The following HMCN2 variants were observed in gnomAD, a reference collection of about 807,000 sequenced individuals.
HMCN2 encodes the protein hemicentin-2.
Under a neutral mutation model 377.5 loss-of-function variants are expected in HMCN2, and 325 were observed. The ratio of observed to expected loss-of-function variants is 0.86; its 90% confidence interval spans 0.79 to 0.94. The LOEUF (loss-of-function observed/expected upper bound fraction) is 0.94, where lower values mean the gene tolerates loss of function less well. Ranked by LOEUF, HMCN2 falls within the 40% of genes least tolerant of loss-of-function variation. HMCN2 has a pLI of 0.00. For synonymous variants in HMCN2, 2,007 were observed against 2,046.8 expected, an observed-to-expected ratio of 0.98 and a Z score of 0.53; for missense variants, 4,543 against 4,725.3, an observed-to-expected ratio of 0.96 and a Z score of 1.13.
At chr9:130,314,161 G>T (rs942415196) in intron 15 of HMCN2, among the ~76,000 whole-genome samples, 2 of 152,190 alleles carry the variant, frequency 1.3e-5, no homozygotes, top group South Asian at 4.2e-4. Flanking sequence ...TGGTTGCCGG[G>T]GGCCGAGCTG....
intron 15 of HMCN2, among the ~76,000 whole-genome samples, chr9:130,315,473 G>T (rs1189166025): frequency 5.7e-5 from 8 of 139,876 alleles, no homozygotes; most frequent in African/African-American, 2.2e-4. Flanking sequence ...CCAGATCCTT[G>T]TACCCCAGGG....
intron 94 of HMCN2, chr9:130,429,886 T>C: frequency 9.6e-7 from 1 of 1,037,370 alleles, no homozygotes; most frequent in Non-Finnish European, 1.3e-6. Context: ...TTGCACTCAC[T>C]GGGTGCCTGC....
Position 130,274,704 on chromosome 9 carries a change from C to T in HMCN2, c.259+8567C>T, listed in dbSNP as rs192514617. Among the ~76,000 whole-genome samples the T allele has an allele frequency of 8.5e-5, 13 of 152,234 alleles. No individual in the cohort carries two copies. In the East Asian group the frequency reaches 2.1e-3, roughly 25 times the overall value. On this transcript the variant is annotated intron_variant, in intron 1 of 97. Transcript: ENST00000683500. Reference sequence around the variant, plus strand: ...GTGCATGTATGTGTATACATTCACTCGTGTTAAACATACCTACGTTAAAAA... The same window carrying T: ...GTGCATGTATGTGTATACATTCACTTGTGTTAAACATACCTACGTTAAAAA...
Position 130,397,654 on chromosome 9 carries a change from G to A in HMCN2, c.11325G>A (p.Leu3775=). Residue 3775 remains leucine, a splice_region_variant and synonymous_variant, in exon 74 of 98, where the codon TTG becomes TTA. Coordinates refer to ENST00000683500, the MANE Select transcript of HMCN2 (RefSeq NM_001291815.2). ...SDRQGRDLRV[L]EPPAIAPSPS... ...GTCAAGGCCGTGACCTACGGGTCTT[G>A]GGTAGGTGGCCTGGGGAAGGCCTTC... 7.8e-7 allele frequency: 1 copy of A among 1,289,732 alleles called. No individual in the cohort carries two copies. The highest frequency in any genetic ancestry group is 1.0e-6 in the Non-Finnish European group (1 of 988,836). 79.9% of individuals were successfully genotyped at this position (1,289,732 alleles called of 1,614,324 possible).
Position 130,383,510 on chromosome 9 carries a change from A to G in HMCN2, c.8740A>G (p.Thr2914Ala), listed in dbSNP as rs193123736. 3,017 of 985,886 alleles carry G rather than the reference A, an allele frequency of 3.1e-3. 10 individuals are homozygous for G. Among genetic ancestry groups the G allele is most frequent in the Non-Finnish European group, 3.4e-3 (2,855 of 830,034 alleles). 61.1% of individuals were successfully genotyped at this position (985,886 alleles called of 1,614,324 possible). Residue 2914 changes from threonine (T) to alanine (A), a missense_variant, in exon 57 of 98, where the codon ACG becomes GCG. Coordinates refer to ENST00000683500, the MANE Select transcript of HMCN2 (RefSeq NM_001291815.2). The stretch of plus-strand genomic sequence containing the variant: ...TGGCTCCCTGCACCCACAGGTTTCC[A>G]CGGCAGAGGTGGCCGACGCCGCCAG... Reference protein sequence around the residue: ...LEDGQVLQVSTAEVADAASYM... With the variant: ...LEDGQVLQVSAAEVADAASYM...
At chr9:130,349,974 T>TGCA (rs1461987280) in intron 29 of HMCN2, among the ~76,000 whole-genome samples, 1 of 131,918 alleles carries the variant, frequency 7.6e-6, no homozygotes, top group African/African-American at 2.8e-5. Flanking sequence ...CTCAGCTCAC[T>TGCA]GCAGCCTCAA....
chr9:130,361,867 T>A lies in HMCN2; in HGVS notation c.5951-141T>A, dbSNP rs1840404665. 1 of 330,256 alleles carries A rather than the reference T, an allele frequency of 3.0e-6. No individual in the cohort carries two copies. The highest frequency in any genetic ancestry group is 2.2e-5 in the African/African-American group (1 of 44,570). 20.5% of individuals were successfully genotyped at this position (330,256 alleles called of 1,614,324 possible). A position where few individuals can be genotyped will look rare whatever the true frequency, so the allele number is the denominator to read the frequency against. On this transcript the variant is annotated intron_variant, in intron 38 of 97. Coordinates refer to ENST00000683500, the MANE Select transcript of HMCN2 (RefSeq NM_001291815.2). The surrounding 1 kb of genome is among the most constrained non-coding windows in gnomAD (Gnocchi z 4.8). ...AGTAGCAGCCTTGGGGGCAGTGGAG[T>A]GGCTCAGAGCCCGTGTCTGGATGGC...
In HMCN2 at chr9:130,383,522, G is replaced by A. The variant is rs1841846549; in HGVS notation, c.8752G>A (p.Ala2918Thr). ...CCCACAGGTTTCCACGGCAGAGGTG[G>A]CCGACGCCGCCAGCTACATGTGTGT... ...QVLQVSTAEV[A>T]DAASYMCVAE... is the part of the protein sequence containing the mutation. The change falls in exon 57 of 98, where the codon GCC becomes ACC. Residue 2918 changes from alanine (A) to threonine (T), a missense_variant. This residue lies in a region of HMCN2 where 736 missense variants were observed against 773.2 expected (regional missense o/e 0.95). Transcript: ENST00000683500. The A allele has an allele frequency of 1.1e-5, 11 of 986,092 alleles. No individual in the cohort carries two copies. The highest frequency in any genetic ancestry group is 1.3e-5 in the Non-Finnish European group (11 of 830,104). The allele number at this position is 986,092 out of a possible 1,614,324, so 61.1% of individuals were successfully genotyped here.
Position 130,306,813 on chromosome 9 carries a change from T to G in HMCN2, c.1961T>G (p.Ile654Ser). 4.3e-6 allele frequency: 2 copies of G among 467,128 alleles called. No homozygotes were observed. Among genetic ancestry groups the G allele is most frequent in the South Asian group, 3.1e-5 (2 of 64,096 alleles). The allele number at this position is 467,128 out of a possible 1,614,324, so 28.9% of individuals were successfully genotyped here. ...ESQALQEDSR[I>S]HVDAQGTLII... is the part of the protein sequence containing the mutation. ...GTGTTTCTATGGCATGATTCTAGAA[T>G]CCATGTGGACGCACAGGGAACCCTG... The change falls in exon 13 of 98, where the codon ATC becomes AGC. Residue 654 changes from isoleucine (I) to serine (S), a missense_variant and splice_region_variant. This residue lies in a region of HMCN2 where 547 missense variants were observed against 189.9 expected (regional missense o/e 2.88). Transcript: ENST00000683500.
intron 14 of HMCN2, among the ~76,000 whole-genome samples, chr9:130,307,941 AT>A (rs1836977469): frequency 6.6e-6 from 1 of 151,834 alleles, no homozygotes; most frequent in African/African-American, 2.4e-5. Flanking sequence ...TTTATTTTTT[AT>A]TTTTTTGTTT....
Position 130,424,787 on chromosome 9 carries a change from C to T in HMCN2, c.13393C>T (p.Arg4465Trp), listed in dbSNP as rs760839138. ...HVPANVGPLM[R>W]VLVVTIAPIY... is the part of the protein sequence containing the mutation. ...CCTGCCCCACCCAGGGCCTCTGATG[C>T]GGGTGCTCGTGGTCACCATCGCCCC... Residue 4465 changes from arginine to tryptophan, a missense_variant, in exon 88 of 98, where the codon CGG (arginine) becomes TGG (tryptophan). Arg to Trp is a moderately radical substitution (Grantham distance 101). This residue lies in a region of HMCN2 where 1,155 missense variants were observed against 1,157.7 expected (regional missense o/e 1.00). Coordinates refer to ENST00000683500, the MANE Select transcript of HMCN2 (RefSeq NM_001291815.2). 328 of 1,538,526 alleles carry T rather than the reference C, an allele frequency of 2.1e-4. No individual in the cohort carries two copies. Among genetic ancestry groups the T allele is most frequent in the Non-Finnish European group, 2.7e-4 (304 of 1,140,466 alleles).
At position 130,391,326 on chromosome 9, in the gene HMCN2, G is replaced by C; in HGVS notation, c.9790G>C (p.Gly3264Arg). 3.0e-6 allele frequency: 3 copies of C among 987,664 alleles called. No homozygotes were observed. Among genetic ancestry groups the C allele is most frequent in the Non-Finnish European group, 3.6e-6 (3 of 830,150 alleles). 61.2% of individuals were successfully genotyped at this position (987,664 alleles called of 1,614,324 possible). The change falls in exon 64 of 98, where the codon GGC (glycine) becomes CGC (arginine). Residue 3264 changes from glycine (G) to arginine (R), a missense_variant. By Grantham distance (125) the Gly-to-Arg change is moderately radical. Around this residue, in one of 5 missense-constraint regions of HMCN2, gnomAD observed 1,073 missense variants for 1,319.5 expected, o/e 0.81. Coordinates refer to ENST00000683500, the MANE Select transcript of HMCN2 (RefSeq NM_001291815.2). Reference protein sequence around the residue: ...PPPDVAWLKDGSPLGQDMGPH... With the variant: ...PPPDVAWLKDRSPLGQDMGPH... Reference sequence around the variant, plus strand: ...GCCGGACGTGGCCTGGCTGAAGGACGGCAGCCCGCTGGGCCAGGACATGGG... The same window carrying C: ...GCCGGACGTGGCCTGGCTGAAGGACCGCAGCCCGCTGGGCCAGGACATGGG...
chr9:130,430,606 T>C lies in HMCN2; in HGVS notation c.14647+2T>C, dbSNP rs1388644357. On this transcript the variant is annotated splice_donor_variant, in intron 95 of 97. Coordinates refer to ENST00000683500, the MANE Select transcript of HMCN2 (RefSeq NM_001291815.2). LOFTEE classifies it high-confidence loss of function. The stretch of plus-strand genomic sequence containing the variant: ...TCAGGCAGAACGGAGTCTGCACAGG[T>C]AAGGCCAGGCCCTGACCATCCACGG... The C allele has an allele frequency of 2.6e-6, 4 of 1,546,870 alleles. No individual in the cohort carries two copies. In the Admixed American group the frequency reaches 7.9e-5, roughly 30 times the overall value.
intron 32 of HMCN2, 70 bp downstream of exon 32, chr9:130,355,114 T>G: frequency 1.7e-6 from 2 of 1,161,414 alleles, no homozygotes; most frequent in Non-Finnish European, 2.2e-6. Flanking sequence ...TGCGTGCTTG[T>G]CCCGAGAGAG....
rs1844440770 is a variant in HMCN2 at position 130,427,378 on chromosome 9, G to A, written c.13942+3G>A. 6.4e-7 allele frequency: 1 copy of A among 1,550,472 alleles called. No homozygotes were observed. ...CTCCCAGGGAGCGTTTTGTGTGGGT[G>A]AGCGCCCCCAACCCTGGCATGGATG... On this transcript the variant is annotated splice_donor_region_variant and intron_variant, in intron 91 of 97. Transcript: ENST00000683500.
intron 12 of HMCN2, 47 bp downstream of exon 12, chr9:130,306,317 A>G (rs1554936749): frequency 8.6e-6 from 4 of 466,162 alleles, no homozygotes; most frequent in Non-Finnish European, 1.8e-5. Flanking sequence ...GCAGGTGGAC[A>G]GGACTCCCAG....
At chr9:130,325,307 G>A (rs1414930195) in intron 19 of HMCN2, among the ~76,000 whole-genome samples, 4 of 151,566 alleles carry the variant, frequency 2.6e-5, no homozygotes, top group African/African-American at 9.7e-5. Context: ...AGTTGGCCAG[G>A]CTGGTCTCGA....
Position 130,374,523 on chromosome 9 carries a change from C to G in HMCN2, c.7460C>G (p.Thr2487Arg). 1 of 985,916 alleles carries G rather than the reference C, an allele frequency of 1.0e-6. No homozygotes were observed. The highest frequency in any genetic ancestry group is 1.2e-6 in the Non-Finnish European group (1 of 830,020). The allele number at this position is 985,916 out of a possible 1,614,324, so 61.1% of individuals were successfully genotyped here. The change falls in exon 49 of 98, where the codon ACA (threonine) becomes AGA (arginine). Residue 2487 changes from threonine (T) to arginine (R), a missense_variant. By Grantham distance (71) the Thr-to-Arg change is moderately conservative (BLOSUM62 -1). Coordinates refer to ENST00000683500, the MANE Select transcript of HMCN2 (RefSeq NM_001291815.2). The stretch of plus-strand genomic sequence containing the variant: ...ACAGGCCACCCACAGCCCAAGCTCA[C>G]ATGGTTCAAAGATGGCCGGCCTCTG... ...NVTGHPQPKLTWFKDGRPLAR... is the reference protein window; with the variant it reads ...NVTGHPQPKLRWFKDGRPLAR...
rs181734836 is a variant in HMCN2, at chr9:130,354,299, C to T, written c.4865-464C>T. On this transcript the variant is annotated intron_variant, in intron 31 of 97. Transcript: ENST00000683500. The stretch of plus-strand genomic sequence containing the variant: ...GTTAACATCTGGTCCCCTTGGCCAT[C>T]GCTGGCTAAGTTAGGAGCCCCCCAA... Among the ~76,000 whole-genome samples, 185 of 152,248 alleles carry T rather than the reference C, an allele frequency of 1.2e-3. 1 individual carries two copies. The highest frequency in any genetic ancestry group is 3.8e-3 in the African/African-American group (156 of 41,550).
Sources: gnomAD v4.1 joint callset for allele counts (sites outside exome capture counted in the v4.1 genomes callset) on GRCh38, gnomAD v4.1.1 for gene constraint, gnomAD v4.1.1 regional missense constraint, Gnocchi (gnomAD v3.1) non-coding constraint, MANE v1.5 for transcripts, NCBI Gene and HGNC (gene_info 2026-07-23, HGNC 2026-07-21) for gene names.